Variants in SMYD3 observed in about 807,000 individuals in gnomAD.
SMYD3 encodes histone-lysine N-methyltransferase SMYD3.
Under a neutral mutation model 57.7 loss-of-function variants are expected in SMYD3, and 36 were observed. The ratio of observed to expected loss-of-function variants is 0.62; its 90% CI spans 0.48 to 0.82. The LOEUF (loss-of-function observed/expected upper bound fraction) is 0.82, where lower values mean the gene tolerates loss of function less well. Among genes scored for constraint, SMYD3 ranks in the 40% least tolerant of loss-of-function variants. SMYD3 has a pLI of 0.00. For missense variants in SMYD3, 515 were observed against 538.8 expected, an observed-to-expected ratio of 0.96 and a Z score of 0.44; for synonymous variants, 211 against 195.0, an observed-to-expected ratio of 1.08 and a Z score of -0.68.
intron 5 of SMYD3, among the ~76,000 whole-genome samples, chr1:245,972,733 GCTC>G (rs1396617857): frequency 6.6e-6 from 1 of 152,226 alleles, no homozygotes; most frequent in East Asian, 1.9e-4. Context: ...GCCCTGCTGG[GCTC>G]CTTTTTCCAC....
At chr1:246,019,004 C>A (rs2059424803) in intron 5 of SMYD3, among the ~76,000 whole-genome samples, 1 of 152,140 alleles carries the variant, frequency 6.6e-6, no homozygotes, top group African/African-American at 2.4e-5. Flanking sequence ...TGGTTCTTGA[C>A]TTATTTTTTT....
At chr1:246,439,100 A>AT (rs1349506219) in intron 1 of SMYD3, among the ~76,000 whole-genome samples, 1 of 26,766 alleles carries the variant, frequency 3.7e-5, no homozygotes, top group East Asian at 1.1e-3. Flanking sequence ...CCACATTGTT[A>AT]TTTTCGGGGG....
chr1:245,817,391 A>T (rs868218552), intron 10 of SMYD3, among the ~76,000 whole-genome samples: 2 of 148,358 alleles, frequency 1.3e-5, no homozygotes, highest in African/African-American at 2.5e-5. Flanking sequence ...CCAAAAACCC[A>T]TCTGTACATC....
chr1:246,210,530 C>T lies in SMYD3; in HGVS notation c.531+116671G>A, dbSNP rs535593854. On this transcript the variant is annotated intron_variant, in intron 5 of 11. Transcript: ENST00000490107. ...TTCAAGACCAGCCTCACCAACATGGCGAAACCCCGTCTCTACTAAAAATGC... is the reference window on the plus strand; with the variant it reads ...TTCAAGACCAGCCTCACCAACATGGTGAAACCCCGTCTCTACTAAAAATGC... 1.7e-4 allele frequency among the ~76,000 whole-genome samples: 26 copies of T among 151,860 alleles called. No individual in the cohort carries two copies. In the East Asian group the frequency reaches 4.7e-3, roughly 27 times the overall value.
intron 1 of SMYD3, among the ~76,000 whole-genome samples, chr1:246,382,527 G>T (rs2095410): frequency 0.53 from 80,332 of 151,642 alleles, 21,976 homozygotes; most frequent in Middle Eastern, 0.71. Flanking sequence ...GTGGACCCAG[G>T]CTCACCCCAG....
At chr1:246,150,920 G>C (rs2061931457) in intron 5 of SMYD3, among the ~76,000 whole-genome samples, 1 of 152,218 alleles carries the variant, frequency 6.6e-6, no homozygotes, top group Non-Finnish European at 1.5e-5. Context: ...CTGGCTCCAG[G>C]TTGAAATGAT....
At chr1:245,834,349 G>A (rs921974458) in intron 10 of SMYD3, among the ~76,000 whole-genome samples, 27 of 152,184 alleles carry the variant, frequency 1.8e-4, no homozygotes, top group African/African-American at 5.8e-4. Context: ...CCTTTGTCAC[G>A]ATATCCGGGA....
At position 245,982,944 on chromosome 1, in the gene SMYD3, T is replaced by C. The variant is rs1405079138; in HGVS notation, c.532-53007A>G. 3.3e-5 allele frequency among the ~76,000 whole-genome samples: 5 copies of C among 152,248 alleles called. 1 individual carries two copies. Among genetic ancestry groups the C allele is most frequent in the Admixed American group, 2.6e-4 (4 of 15,290 alleles). On this transcript the variant is annotated intron_variant, in intron 5 of 11. Transcript: ENST00000490107. ...CTTATACAGTTGAATCCAAGACTGC[T>C]GTCAGAAACCAAACATTTATCAACG...
chr1:245,992,542 G>A (rs1052340758), intron 5 of SMYD3, among the ~76,000 whole-genome samples: 3 of 151,036 alleles, frequency 2.0e-5, no homozygotes, highest in African/African-American at 4.9e-5. Flanking sequence ...CTAGAATGGC[G>A]GTCATGGGGC....
chr1:245,951,485 C>T (rs112246495), intron 5 of SMYD3, among the ~76,000 whole-genome samples: 2 of 136,652 alleles, frequency 1.5e-5, no homozygotes, highest in African/African-American at 6.0e-5. Context: ...AGGAGAATGG[C>T]GTGAACCCGG....
At chr1:246,208,298 A>G (rs750314655) in intron 5 of SMYD3, among the ~76,000 whole-genome samples, 1 of 152,254 alleles carries the variant, frequency 6.6e-6, no homozygotes, top group Non-Finnish European at 1.5e-5. Flanking sequence ...CATTCACTTC[A>G]CGTGGTGAAG....
At chr1:246,128,354 G>C (rs1340353555) in intron 5 of SMYD3, among the ~76,000 whole-genome samples, 2 of 152,148 alleles carry the variant, frequency 1.3e-5, no homozygotes, top group Non-Finnish European at 2.9e-5. Context: ...ATTTCTATGA[G>C]GGGAGGAACT....
chr1:245,878,986 G>GT (rs1024816492), intron 8 of SMYD3, among the ~76,000 whole-genome samples: 1 of 152,160 alleles, frequency 6.6e-6, no homozygotes, highest in African/African-American at 2.4e-5. Flanking sequence ...ATTTGTATTT[G>GT]TTTGGCCTCC....
At chr1:245,886,999 G>T (rs975899287) in intron 8 of SMYD3, among the ~76,000 whole-genome samples, 20 of 152,066 alleles carry the variant, frequency 1.3e-4, no homozygotes, top group Admixed American at 6.6e-4. Context: ...CATTTCACAG[G>T]GTGTGTCCCT....
intron 5 of SMYD3, among the ~76,000 whole-genome samples, chr1:246,269,415 G>T (rs1023363215): frequency 6.6e-6 from 1 of 152,106 alleles, no homozygotes; most frequent in African/African-American, 2.4e-5. Flanking sequence ...TTAGCTGGTG[G>T]TGATAGAACC....
chr1:246,343,515 A>G (rs2065663338), intron 2 of SMYD3, among the ~76,000 whole-genome samples: 1 of 152,214 alleles, frequency 6.6e-6, no homozygotes, highest in Non-Finnish European at 1.5e-5. Flanking sequence ...GTCCCATCTG[A>G]GAGGGAAGGT....
chr1:245,968,802 T>C (rs988359411), intron 5 of SMYD3, among the ~76,000 whole-genome samples: 1 of 152,210 alleles, frequency 6.6e-6, no homozygotes, highest in East Asian at 1.9e-4. Context: ...GCCCTCGTCT[T>C]TCCCGCGTTG....
intron 5 of SMYD3, among the ~76,000 whole-genome samples, chr1:246,164,581 G>A (rs1284445725): frequency 1.3e-5 from 2 of 152,132 alleles, no homozygotes; most frequent in Non-Finnish European, 2.9e-5. Flanking sequence ...ACACATGGAC[G>A]GGGGCATGTG....
intron 1 of SMYD3, among the ~76,000 whole-genome samples, chr1:246,363,894 T>C (rs1396998270): frequency 4.6e-5 from 7 of 151,176 alleles, no homozygotes; most frequent in Admixed American, 1.3e-4. Context: ...TCCCCCTCTG[T>C]GAGAAACACC....
Sources: gnomAD v4.1 joint callset for allele counts (sites outside exome capture counted in the v4.1 genomes callset) on GRCh38, gnomAD v4.1.1 for gene constraint, MANE v1.5 for transcripts, NCBI Gene and HGNC (gene_info 2026-07-23, HGNC 2026-07-21) for gene names.